Variants in MKLN1 observed in about 807,000 individuals in gnomAD.
The protein encoded by MKLN1 is muskelin.
Under a neutral mutation model 99.0 loss-of-function variants are expected in MKLN1, and 18 were observed. The ratio of observed to expected loss-of-function variants is 0.18; its 90% confidence interval spans 0.13 to 0.27. MKLN1 has a LOEUF of 0.27. Among genes scored for constraint, MKLN1 ranks in the 10% least tolerant of loss-of-function variants. MKLN1 has a pLI of 1.00. For missense variants in MKLN1, 621 were observed against 875.9 expected, an observed-to-expected ratio of 0.71 and a Z score of 3.67; for synonymous variants, 288 against 293.2, an observed-to-expected ratio of 0.98 and a Z score of 0.18.
chr7:131,332,478 T>C (rs922471129), intron 1 of MKLN1, among the ~76,000 whole-genome samples: 18 of 148,934 alleles, frequency 1.2e-4, no homozygotes, highest in African/African-American at 4.1e-4. Flanking sequence ...ATATTTTATA[T>C]ATCTTTTAAT....
chr7:131,211,602 GTTT>G (rs34469545), intron 3 of MKLN1, among the ~76,000 whole-genome samples: 4 of 146,444 alleles, frequency 2.7e-5, no homozygotes, highest in Non-Finnish European at 6.0e-5. Flanking sequence ...CAACCCTTGT[GTTT>G]TTTTTTTTTT....
At chr7:131,411,690 T>A (rs1794879762) in intron 7 of MKLN1, among the ~76,000 whole-genome samples, 1 of 151,886 alleles carries the variant, frequency 6.6e-6, no homozygotes, top group Admixed American at 6.6e-5. Context: ...GCAGATCACC[T>A]GAGGTTAGTA....
In MKLN1 at chr7:131,456,245, T is replaced by C. The variant is rs569762667; in HGVS notation, c.1526-6972T>C. Among the ~76,000 whole-genome samples, 21 of 152,210 alleles carry C rather than the reference T, an allele frequency of 1.4e-4. No homozygotes were observed. The South Asian group carries it at 4.4e-3, about 32-fold the overall frequency. ...ATTTAACCAGCCTTCATTTTTATTA[T>C]TATAATTATTATAAAAGTAATGCAG... On this transcript the variant is annotated intron_variant, in intron 12 of 17. Transcript: ENST00000352689.
chr7:131,350,355 T>C (rs1799684052), intron 1 of MKLN1, among the ~76,000 whole-genome samples: 2 of 152,068 alleles, frequency 1.3e-5, no homozygotes, highest in East Asian at 3.9e-4. Context: ...CCGCTGCACC[T>C]GGCCTTCGTT....
chr7:131,120,445 A>G (rs1795347955), intron 1 of MKLN1, among the ~76,000 whole-genome samples: 1 of 147,508 alleles, frequency 6.8e-6, no homozygotes, highest in Non-Finnish European at 1.5e-5. Flanking sequence ...GCTACTCGGG[A>G]GGCTGAGGCA....
At chr7:131,150,478 C>A (rs892064524) in intron 2 of MKLN1, among the ~76,000 whole-genome samples, 1 of 151,650 alleles carries the variant, frequency 6.6e-6, no homozygotes, top group Non-Finnish European at 1.5e-5. Flanking sequence ...CAGATGAAGA[C>A]CCTGTCTCAA....
chr7:131,357,039 C>A (rs1799905540), intron 1 of MKLN1, among the ~76,000 whole-genome samples: 1 of 152,142 alleles, frequency 6.6e-6, no homozygotes, highest in South Asian at 2.1e-4. Flanking sequence ...GTGCCAGTTA[C>A]CCTATTCTTA....
At chr7:131,138,712 T>C (rs1795687889) in intron 1 of MKLN1, among the ~76,000 whole-genome samples, 1 of 151,638 alleles carries the variant, frequency 6.6e-6, no homozygotes, top group Non-Finnish European at 1.5e-5. Flanking sequence ...AAAAAAAAAT[T>C]CTTCAGCTGA....
At chr7:131,469,717 A>G (rs1164629629) in intron 15 of MKLN1, among the ~76,000 whole-genome samples, 1 of 152,204 alleles carries the variant, frequency 6.6e-6, no homozygotes, top group Non-Finnish European at 1.5e-5. Context: ...CCTTGTCTGT[A>G]TATTTTGAAA....
At chr7:131,133,813 TAATTTGG>T (rs1300751003) in intron 1 of MKLN1, among the ~76,000 whole-genome samples, 5 of 123,838 alleles carry the variant, frequency 4.0e-5, no homozygotes, top group East Asian at 2.4e-4. Flanking sequence ...TTTTTTTTTT[TAATTTGG>T]TTTTTTTTTT....
chr7:131,245,268 C>G (rs967529609), intron 3 of MKLN1, among the ~76,000 whole-genome samples: 17 of 129,610 alleles, frequency 1.3e-4, no homozygotes, highest in African/African-American at 4.6e-4. Flanking sequence ...ATTATACGGT[C>G]TTTTTTTTTT....
At chr7:131,270,764 G>C (rs559609026) in intron 3 of MKLN1, among the ~76,000 whole-genome samples, 1 of 152,216 alleles carries the variant, frequency 6.6e-6, no homozygotes, top group Non-Finnish European at 1.5e-5. Context: ...GCTTATGGGA[G>C]AGAAAGGTTC....
chr7:131,150,179 G>A (rs1399590460), intron 2 of MKLN1, among the ~76,000 whole-genome samples: 1 of 151,796 alleles, frequency 6.6e-6, no homozygotes, highest in African/African-American at 2.4e-5. Context: ...TGTTACAAAC[G>A]CTCTCAATCA....
intron 2 of MKLN1, among the ~76,000 whole-genome samples, chr7:131,151,709 T>C (rs1187812063): frequency 6.6e-6 from 1 of 151,866 alleles, no homozygotes; most frequent in Non-Finnish European, 1.5e-5. Context: ...GAATACAGAG[T>C]AGTAAAAAGA....
intron 2 of MKLN1, among the ~76,000 whole-genome samples, chr7:131,151,832 C>T (rs561108055): frequency 6.6e-6 from 1 of 152,218 alleles, no homozygotes; most frequent in South Asian, 2.1e-4. Context: ...CACTCATACA[C>T]ACACCAGAAT....
At chr7:131,427,771 G>A (rs1795400645) in intron 8 of MKLN1, among the ~76,000 whole-genome samples, 2 of 152,186 alleles carry the variant, frequency 1.3e-5, no homozygotes, top group Admixed American at 1.3e-4. Context: ...GGCCAGGCTG[G>A]TCTCAAACAC....
chr7:131,116,188 A>AATATAT (rs34767297), intron 1 of MKLN1, among the ~76,000 whole-genome samples: 6 of 150,800 alleles, frequency 4.0e-5, no homozygotes, highest in Admixed American at 2.0e-4. Context: ...CTATATAATG[A>AATATAT]ATATATATAT....
intron 15 of MKLN1, 47 bp downstream of exon 15, chr7:131,466,462 T>C (rs1417040971): frequency 7.2e-7 from 1 of 1,395,232 alleles, no homozygotes; most frequent in African/African-American, 1.4e-5. Flanking sequence ...TTATCAGCTA[T>C]ATTTCTCTTG....
At chr7:131,479,682 C>T (rs927329831) in intron 17 of MKLN1, among the ~76,000 whole-genome samples, 1 of 151,918 alleles carries the variant, frequency 6.6e-6, no homozygotes, top group African/African-American at 2.4e-5. Context: ...AAAAAATTAG[C>T]AGGGTGTGGT....
Sources: gnomAD v4.1 joint callset for allele counts (sites outside exome capture counted in the v4.1 genomes callset) on GRCh38, gnomAD v4.1.1 for gene constraint, MANE v1.5 for transcripts, NCBI Gene and HGNC (gene_info 2026-07-23, HGNC 2026-07-21) for gene names.